The following WDHD1 variants were observed in gnomAD, a reference collection of about 807,000 sequenced individuals.
WDHD1 encodes WD repeat and HMG-box DNA binding protein 1.
In WDHD1, 111 loss-of-function variants were observed where a neutral mutation model predicts 135.4. That is an observed-to-expected ratio of 0.82 (90% confidence interval 0.70 to 0.96). The LOEUF (loss-of-function observed/expected upper bound fraction) is 0.96. Ranked by LOEUF, WDHD1 falls within the 40% of genes least tolerant of loss-of-function variation. WDHD1 has a pLI of 0.00. For missense variants in WDHD1, 1,351 were observed against 1,336.3 expected, an observed-to-expected ratio of 1.01 and a Z score of -0.17; for synonymous variants, 434 against 439.0, an observed-to-expected ratio of 0.99 and a Z score of 0.14.
At chr14:54,967,426 T>C (rs367861189) in intron 16 of WDHD1, 32 bp from the exon 17 acceptor site, 16 of 1,513,210 alleles carry the variant, frequency 1.1e-5, no homozygotes, top group Non-Finnish European at 9.0e-7. Context: ...ATCATAAAAA[T>C]TTACTAACAT....
chr14:54,941,414 T>C lies in WDHD1; in HGVS notation c.*76A>G, dbSNP rs938868741. On this transcript the variant is annotated 3_prime_UTR_variant, in exon 26 of 26. Transcript: ENST00000360586. ...CTTTAAAAAATATATATATAATGAG[T>C]TTCCCAAAGACTCGAGTCTATATTC... 7.3e-6 allele frequency: 9 copies of C among 1,236,524 alleles called. No homozygotes were observed. The highest frequency in any genetic ancestry group is 2.7e-5 in the Admixed American group (1 of 37,014). The allele number at this position is 1,236,524 out of a possible 1,614,324, so 76.6% of individuals were successfully genotyped here.
intron 15 of WDHD1, among the ~76,000 whole-genome samples, chr14:54,982,361 C>T (rs2140191023): frequency 6.6e-6 from 1 of 152,280 alleles, no homozygotes; most frequent in South Asian, 2.1e-4. Flanking sequence ...AATCAGAAGG[C>T]TCCCGCTTGA....
Position 54,962,994 on chromosome 14 carries a change from T to A in WDHD1, c.2489A>T (p.Glu830Val). 6.2e-7 allele frequency: 1 copy of A among 1,613,912 alleles called. No homozygotes were observed. Among genetic ancestry groups the A allele is most frequent in the Non-Finnish European group, 8.5e-7 (1 of 1,179,906 alleles). ...TCTGAAATCTTCTTCTTCTTCTTCC[T>A]CTTCCACCTGGGTTGCTGTCAATTC... The part of the protein sequence containing the change: ...AAELTATQVE[E>V]EEEEEDFRKK... Residue 830 changes from glutamate (E) to valine (V), a missense_variant, in exon 19 of 26, where the codon GAG becomes GTG. Physicochemically the swap from Glu to Val is moderately radical, Grantham distance 121. Coordinates refer to ENST00000360586, the MANE Select transcript of WDHD1 (RefSeq NM_007086.4).
Position 55,016,558 on chromosome 14 carries a change from A to T in WDHD1, c.78-2962T>A, listed in dbSNP as rs191633300. On this transcript the variant is annotated intron_variant, in intron 2 of 25. Transcript: ENST00000360586. The stretch of plus-strand genomic sequence containing the variant: ...AAAACTGTGATTCTACTCCTGCAGA[A>T]GGTGATTTATATCTTGTGAAGCATG... Among the ~76,000 whole-genome samples, 140 of 152,320 alleles carry T rather than the reference A, an allele frequency of 9.2e-4. 1 individual carries two copies. Among genetic ancestry groups the T allele is most frequent in the African/African-American group, 3.2e-3 (133 of 41,564 alleles).
rs1320731311 is a variant in WDHD1, at chr14:54,999,612, T to C, written c.942+891A>G. On this transcript the variant is annotated intron_variant, in intron 10 of 25. Transcript: ENST00000360586. ...TCTAGCCTCCACTTTTTTATTTTTA[T>C]TTTTTAGATGGGGTATCACTGTCAT... 3.3e-5 allele frequency among the ~76,000 whole-genome samples: 5 copies of C among 152,308 alleles called. No individual in the cohort carries two copies. In the East Asian group the frequency reaches 9.7e-4, roughly 29 times the overall value.
At chr14:55,007,432 TG>T in intron 6 of WDHD1, 57 bp from the exon 7 acceptor site, 1 of 1,241,572 alleles carries the variant, frequency 8.1e-7, no homozygotes, top group Non-Finnish European at 1.1e-6. Flanking sequence ...CCAAAATATA[TG>T]CAGAACTGAA....
At chr14:54,972,916 C>A (rs941372336) in intron 16 of WDHD1, among the ~76,000 whole-genome samples, 1 of 152,128 alleles carries the variant, frequency 6.6e-6, no homozygotes, top group Non-Finnish European at 1.5e-5. Flanking sequence ...GGTAACAGGT[C>A]AACGGGGCAA....
At chr14:55,005,135 C>T in intron 7 of WDHD1, 1 of 535,132 alleles carries the variant, frequency 1.9e-6, no homozygotes, top group African/African-American at 1.9e-5. Context: ...AATGGTGCCA[C>T]ACATGCGAAC....
intron 11 of WDHD1, among the ~76,000 whole-genome samples, chr14:54,995,381 C>CTTCT (rs34670443): frequency 0.46 from 64,377 of 139,204 alleles, 15,395 homozygotes; most frequent in African/African-American, 0.67. Flanking sequence ...TATTTCCTTC[C>CTTCT]ATTTGCTTGG....
At chr14:55,008,921 C>T (rs183587061) in intron 4 of WDHD1, among the ~76,000 whole-genome samples, 40 of 152,056 alleles carry the variant, frequency 2.6e-4, no homozygotes, top group African/African-American at 9.6e-4. Flanking sequence ...CTCAGCCTCC[C>T]GAGTAGCTGG....
chr14:54,959,903 G>A lies in WDHD1; in HGVS notation c.2702-2268C>T, dbSNP rs142447261. Among the ~76,000 whole-genome samples the A allele has an allele frequency of 2.3e-3, 356 of 152,136 alleles. 2 individuals carry two copies. Among genetic ancestry groups the A allele is most frequent in the African/African-American group, 8.1e-3 (337 of 41,508 alleles). On this transcript the variant is annotated intron_variant, in intron 21 of 25. Coordinates refer to ENST00000360586, the MANE Select transcript of WDHD1 (RefSeq NM_007086.4). ...AAAAGTTTCCCCTTTTGTCTCTCCTGGCAGAGTGCTAGCCCCTTGCGGTTT... is the reference window on the plus strand; with the variant it reads ...AAAAGTTTCCCCTTTTGTCTCTCCTAGCAGAGTGCTAGCCCCTTGCGGTTT...
Position 55,008,318 on chromosome 14 carries a change from G to T in WDHD1, c.502C>A (p.Gln168Lys), listed in dbSNP as rs750447193. The part of the protein sequence containing the change: ...GSVRVWQISD[Q>K]TCAISWPLLQ... ...TAAATTTAAATTGCTGAGTTTACCT[G>T]ATCTGAAATTTGCCACACTCTGACA... Residue 168 changes from glutamine to lysine, a missense_variant and splice_region_variant, in exon 6 of 26, where the codon CAG (glutamine) becomes AAG (lysine). Transcript: ENST00000360586. 7 of 1,613,184 alleles carry T rather than the reference G, an allele frequency of 4.3e-6. No individual in the cohort carries two copies. The highest frequency in any genetic ancestry group is 5.9e-6 in the Non-Finnish European group (7 of 1,179,546).
intron 7 of WDHD1, among the ~76,000 whole-genome samples, chr14:55,004,120 A>G (rs2042024309): frequency 6.6e-6 from 1 of 152,220 alleles, no homozygotes; most frequent in Admixed American, 6.5e-5. Flanking sequence ...AGTTGAAATA[A>G]TAATATAGTA....
rs1318308981 is a variant in WDHD1, at chr14:54,957,654, C to T, written c.2702-19G>A. The T allele has an allele frequency of 1.9e-6, 3 of 1,599,824 alleles. No individual in the cohort carries two copies. The Admixed American group carries it at 5.3e-5, about 28-fold the overall frequency. ...ACTGCACCTTTCACAAAAAAGAAAC[C>T]CTTGCTTAATAATGGTAGAAAATAG... On this transcript the variant is annotated intron_variant, in intron 21 of 25. Transcript: ENST00000360586.
chr14:54,964,556 G>A lies in WDHD1; in HGVS notation c.2311-1384C>T, dbSNP rs144772495. Among the ~76,000 whole-genome samples the A allele has an allele frequency of 8.8e-3, 1,334 of 151,810 alleles. 16 individuals are homozygous for A. Among genetic ancestry groups the A allele is most frequent in the African/African-American group, 0.031 (1,268 of 41,406 alleles). On this transcript the variant is annotated intron_variant, in intron 18 of 25. Transcript: ENST00000360586. ...CGGGAGGCTGAGGCAGGAGAATGGC[G>A]TGAACCTGGGAGGCGGAGCTTGCAG...
At chr14:54,962,467 T>C (rs374282891) in intron 21 of WDHD1, 31 bp downstream of exon 21, 12 of 1,571,848 alleles carry the variant, frequency 7.6e-6, no homozygotes, top group Non-Finnish European at 9.6e-6. Flanking sequence ...CAAAATTTCC[T>C]TGATATTACA....
intron 2 of WDHD1, among the ~76,000 whole-genome samples, chr14:55,025,590 C>CA (rs1220902341): frequency 3.3e-5 from 5 of 152,224 alleles, no homozygotes; most frequent in African/African-American, 1.2e-4. Context: ...TTCTCAAAAA[C>CA]AAACCTGATC....
intron 6 of WDHD1, 56 bp downstream of exon 6, chr14:55,008,260 T>C: frequency 6.5e-7 from 1 of 1,543,502 alleles, no homozygotes; most frequent in African/African-American, 1.4e-5. Context: ...ATACGACATA[T>C]AACAATTTAT....
chr14:55,026,421 T>C (rs2042442315), intron 2 of WDHD1, among the ~76,000 whole-genome samples: 1 of 152,154 alleles, frequency 6.6e-6, no homozygotes, highest in African/African-American at 2.4e-5. Context: ...AGGCAGTAAC[T>C]AGTGATCTGA....
Sources: gnomAD v4.1 joint callset for allele counts (sites outside exome capture counted in the v4.1 genomes callset) on GRCh38, gnomAD v4.1.1 for gene constraint, MANE v1.5 for transcripts, NCBI Gene and HGNC (gene_info 2026-07-23, HGNC 2026-07-21) for gene names.